KCNQ1: variants seen among roughly 807,000 people sequenced by gnomAD.
The protein encoded by KCNQ1 is potassium voltage-gated channel subfamily Q member 1, also known as potassium voltage-gated channel subfamily KQT member 1.
KCNQ1 carries 49 observed loss-of-function variants against 72.4 expected under a neutral mutation model. The ratio of observed to expected loss-of-function variants is 0.68; its 90% confidence interval spans 0.54 to 0.86. The LOEUF (loss-of-function observed/expected upper bound fraction) is 0.86, where lower values mean the gene tolerates loss of function less well. Ranked by LOEUF, KCNQ1 falls within the 40% of genes least tolerant of loss-of-function variation. The pLI is 0.00. For synonymous variants in KCNQ1, 450 were observed against 412.6 expected (o/e 1.09, Z -1.10); for missense variants, 790 against 945.1 (o/e 0.84, Z 2.15).
At chr11:2,465,320 C>T (rs7122937) in intron 1 of KCNQ1, among the ~76,000 whole-genome samples, 45,670 of 152,056 alleles carry the variant, frequency 0.3, 7,916 homozygotes, top group African/African-American at 0.46. Flanking sequence ...AGGTGTGAGG[C>T]CCTGAGGCCC....
Position 2,661,863 on chromosome 11 carries a change from C to T in KCNQ1, c.1394-98C>T, listed in dbSNP as rs1849962106. ...GGCTGGAGCTTCCAGGCACAAGCTC[C>T]ACTCCTCACCTGGCCCTGGGAGCTC... On this transcript the variant is annotated intron_variant, in intron 10 of 15. Coordinates refer to ENST00000155840, the MANE Select transcript of KCNQ1 (RefSeq NM_000218.3). This position sits in a 1 kb window ranked among gnomAD's most constrained non-coding sequence, Gnocchi z 5.9. 1.3e-6 allele frequency: 2 copies of T among 1,490,218 alleles called. No homozygotes were observed. Among genetic ancestry groups the T allele is most frequent in the East Asian group, 2.3e-5 (1 of 44,326 alleles). 92.3% of individuals were successfully genotyped at this position (1,490,218 alleles called of 1,614,324 possible).
At chr11:2,551,417 G>C (rs937159822) in intron 2 of KCNQ1, among the ~76,000 whole-genome samples, 1 of 152,134 alleles carries the variant, frequency 6.6e-6, no homozygotes, top group Admixed American at 6.5e-5. Context: ...AGGCCCATCC[G>C]TGTCATGGTC....
At chr11:2,449,394 T>C (rs1035237104) in intron 1 of KCNQ1, among the ~76,000 whole-genome samples, 1 of 152,170 alleles carries the variant, frequency 6.6e-6, no homozygotes, top group African/African-American at 2.4e-5. Flanking sequence ...GGGCCGGGTC[T>C]GAGGGAGGGG....
chr11:2,461,769 G>C, intron 1 of KCNQ1: 2 of 1,338,758 alleles, frequency 1.5e-6, no homozygotes, highest in Non-Finnish European at 2.0e-6. Flanking sequence ...CAGGTGGATG[G>C]GGGGCTGAAT....
At chr11:2,460,537 C>T (rs1846262339) in intron 1 of KCNQ1, among the ~76,000 whole-genome samples, 1 of 152,076 alleles carries the variant, frequency 6.6e-6, no homozygotes, top group Non-Finnish European at 1.5e-5. Flanking sequence ...CTCCAAGGCC[C>T]ACAGTAGAAA....
chr11:2,558,923 C>T (rs140016639), intron 2 of KCNQ1, among the ~76,000 whole-genome samples: 2,958 of 152,188 alleles, frequency 0.019, 46 homozygotes, highest in Middle Eastern at 0.058. Context: ...CTTAGCTAAC[C>T]CCTCCACCCT....
intron 11 of KCNQ1, among the ~76,000 whole-genome samples, chr11:2,718,424 C>A (rs985844397): frequency 2.0e-5 from 3 of 152,198 alleles, no homozygotes; most frequent in Non-Finnish European, 4.4e-5. Flanking sequence ...AGCACCAGCC[C>A]CTCCCCGTAG....
chr11:2,445,365 G>C lies in KCNQ1; in HGVS notation c.267G>C (p.Pro89=). The C allele has an allele frequency of 6.3e-7, 1 of 1,597,334 alleles. No homozygotes were observed. Among genetic ancestry groups the C allele is most frequent in the Middle Eastern group, 1.7e-4 (1 of 5,958 alleles). Residue 89 remains proline (P), a synonymous_variant, in exon 1 of 16, where the codon CCG becomes CCC. Transcript: ENST00000155840. ...LGPRPPVSLD[P]RVSIYSTRRP... is the part of the protein sequence containing the mutation. ...CGCGGCCGCCGGTGAGCCTAGACCC[G>C]CGCGTCTCCATCTACAGCACGCGCC...
At chr11:2,798,317 C>A (rs938703772) in intron 15 of KCNQ1, among the ~76,000 whole-genome samples, 1 of 152,184 alleles carries the variant, frequency 6.6e-6, no homozygotes, top group African/African-American at 2.4e-5. Context: ...CTCAGCCCCA[C>A]CTGCAGACCT....
chr11:2,455,304 T>C (rs562515107), intron 1 of KCNQ1, among the ~76,000 whole-genome samples: 3 of 151,826 alleles, frequency 2.0e-5, no homozygotes, highest in East Asian at 1.9e-4. Flanking sequence ...TTCACCGTGT[T>C]AGCCAGGATG....
chr11:2,753,185 A>T (rs952520872), intron 11 of KCNQ1, among the ~76,000 whole-genome samples: 1 of 152,188 alleles, frequency 6.6e-6, no homozygotes, highest in Non-Finnish European at 1.5e-5. Context: ...ATGTCATTAC[A>T]TGAGCAGTAG....
intron 11 of KCNQ1, among the ~76,000 whole-genome samples, chr11:2,727,170 C>T (rs1227451292): frequency 6.6e-6 from 1 of 152,184 alleles, no homozygotes; most frequent in Non-Finnish European, 1.5e-5. Context: ...GGCAGTGGGG[C>T]TCTGGAGCAA....
At chr11:2,522,784 C>CG (rs1450706272) in intron 1 of KCNQ1, among the ~76,000 whole-genome samples, 2 of 152,226 alleles carry the variant, frequency 1.3e-5, no homozygotes, top group Admixed American at 6.5e-5. Context: ...TCCCAACCCC[C>CG]GGGCCTGGAG....
At chr11:2,812,893 C>T (rs1157240020) in intron 15 of KCNQ1, among the ~76,000 whole-genome samples, 1 of 152,224 alleles carries the variant, frequency 6.6e-6, no homozygotes, top group African/African-American at 2.4e-5. Flanking sequence ...CATGGCCAGC[C>T]CTCAAACCAT....
At chr11:2,845,519 G>C (rs1408656185) in intron 15 of KCNQ1, among the ~76,000 whole-genome samples, 1 of 152,228 alleles carries the variant, frequency 6.6e-6, no homozygotes, top group Non-Finnish European at 1.5e-5. Context: ...CCAAACCACA[G>C]AAGTCCTGCA....
intron 11 of KCNQ1, among the ~76,000 whole-genome samples, chr11:2,717,854 C>T (rs1243279029): frequency 2.6e-5 from 4 of 152,164 alleles, no homozygotes; most frequent in Admixed American, 2.6e-4. Context: ...AACCCCCTCT[C>T]CCCCGATGGC....
Position 2,828,049 on chromosome 11 carries a change from G to A in KCNQ1, c.1795-19718G>A, listed in dbSNP as rs1847874815. On this transcript the variant is annotated intron_variant, in intron 15 of 15. Coordinates refer to ENST00000155840, the MANE Select transcript of KCNQ1 (RefSeq NM_000218.3). The surrounding 1 kb of genome is among the most constrained non-coding windows in gnomAD (Gnocchi z 5.3). The stretch of plus-strand genomic sequence containing the variant: ...CAGAGGGAACACTACCTGCAAAGGG[G>A]CGAGGGCAGGACAAAGGCTGGCAGC... 6.6e-6 allele frequency among the ~76,000 whole-genome samples: 1 copy of A among 152,214 alleles called. No individual in the cohort carries two copies. Among genetic ancestry groups the A allele is most frequent in the South Asian group, 2.1e-4 (1 of 4,830 alleles).
intron 1 of KCNQ1, among the ~76,000 whole-genome samples, chr11:2,449,882 G>A (rs1846098858): frequency 6.6e-6 from 1 of 152,160 alleles, no homozygotes; most frequent in African/African-American, 2.4e-5. Context: ...AAGCGTCCTC[G>A]AGTCCTAGGG....
In KCNQ1 at chr11:2,653,810, C is replaced by A. The variant is rs527639476; in HGVS notation, c.1394-8151C>A. 3.3e-5 allele frequency: 13 copies of A among 398,678 alleles called. No homozygotes were observed. The highest frequency in any genetic ancestry group is 1.3e-4 in the South Asian group (1 of 7,858). The allele number at this position is 398,678 out of a possible 1,614,324, so 24.7% of individuals were successfully genotyped here. ...GCAGCTGTACCTCCGATGGCTGAGGCAAGGTCCACAGGGACCCCTTTGGGG... is the reference window on the plus strand; with the variant it reads ...GCAGCTGTACCTCCGATGGCTGAGGAAAGGTCCACAGGGACCCCTTTGGGG... On this transcript the variant is annotated intron_variant, in intron 10 of 15. Transcript: ENST00000155840. This position sits in a 1 kb window ranked among gnomAD's most constrained non-coding sequence, Gnocchi z 5.3.
Sources: gnomAD v4.1 joint callset for allele counts (sites outside exome capture counted in the v4.1 genomes callset) on GRCh38, gnomAD v4.1.1 for gene constraint, Gnocchi (gnomAD v3.1) non-coding constraint, MANE v1.5 for transcripts, NCBI Gene and HGNC (gene_info 2026-07-23, HGNC 2026-07-21) for gene names.